The following WSCD2 variants were observed in gnomAD, a reference collection of about 807,000 sequenced individuals.
WSCD2 encodes the protein sialate:O-sulfotransferase 2.
WSCD2 carries 28 observed loss-of-function variants against 55.7 expected under a neutral mutation model. The observed-to-expected ratio is 0.50, with a 90% CI of 0.37 to 0.69. The LOEUF (loss-of-function observed/expected upper bound fraction) is 0.69. Among genes scored for constraint, WSCD2 ranks in the 30% least tolerant of loss-of-function variants. The pLI, the probability that WSCD2 is intolerant of heterozygous loss-of-function variation, is 0.00. For missense variants in WSCD2, 616 were observed against 762.1 expected, an observed-to-expected ratio of 0.81 and a Z score of 2.26; for synonymous variants, 301 against 301.9, an observed-to-expected ratio of 1.00 and a Z score of 0.03.
chr12:108,171,046 A>G (rs1565931577), intron 1 of WSCD2, among the ~76,000 whole-genome samples: 1 of 152,188 alleles, frequency 6.6e-6, no homozygotes, highest in Non-Finnish European at 1.5e-5. Flanking sequence ...TTTTGTGCCC[A>G]TGAAATGAAT....
chr12:108,133,397 G>A (rs565139379), intron 1 of WSCD2, among the ~76,000 whole-genome samples: 1 of 152,124 alleles, frequency 6.6e-6, no homozygotes, highest in South Asian at 2.1e-4. Flanking sequence ...TTTTCTGAGC[G>A]TGTTTGCCTG....
chr12:108,199,201 G>T (rs535019995), intron 2 of WSCD2, among the ~76,000 whole-genome samples: 2 of 152,146 alleles, frequency 1.3e-5, no homozygotes, highest in Non-Finnish European at 2.9e-5. Context: ...TTAGATTAAC[G>T]CTAATAAAAA....
chr12:108,225,666 G>A (rs949506865), intron 5 of WSCD2, among the ~76,000 whole-genome samples: 11 of 152,132 alleles, frequency 7.2e-5, no homozygotes, highest in African/African-American at 2.7e-4. Context: ...GGCCTAAGGA[G>A]CTAGATGTCT....
At chr12:108,242,779 C>G (rs181171536) in intron 8 of WSCD2, among the ~76,000 whole-genome samples, 32 of 152,332 alleles carry the variant, frequency 2.1e-4, no homozygotes, top group Non-Finnish European at 4.3e-4. Context: ...CTCCCCAACA[C>G]CGACAGGCCC....
In WSCD2 at chr12:108,204,646, G is replaced by A. The variant is rs1043092602; in HGVS notation, c.383-1643G>A. Among the ~76,000 whole-genome samples, 3 of 152,206 alleles carry A rather than the reference G, an allele frequency of 2.0e-5. No homozygotes were observed. The East Asian group carries it at 5.8e-4, about 29-fold the overall frequency. ...GGCTTCTCCAGGGTTGTCACTGTCT[G>A]GTGTGCCTGCTCCAGGGAGATGATG... On this transcript the variant is annotated intron_variant, in intron 2 of 8. Coordinates refer to ENST00000547525, the MANE Select transcript of WSCD2 (RefSeq NM_014653.4).
At chr12:108,243,419 A>G (rs1463616056) in intron 8 of WSCD2, among the ~76,000 whole-genome samples, 1 of 152,074 alleles carries the variant, frequency 6.6e-6, no homozygotes, top group Non-Finnish European at 1.5e-5. Flanking sequence ...TTGTATTTTT[A>G]GTAGAGACAG....
chr12:108,246,512 A>G (rs1890095442), intron 8 of WSCD2, among the ~76,000 whole-genome samples: 1 of 152,142 alleles, frequency 6.6e-6, no homozygotes, highest in Non-Finnish European at 1.5e-5. Flanking sequence ...TCCCAACGCC[A>G]TCCAGGTTCC....
At chr12:108,206,754 C>A (rs568086437) in intron 3 of WSCD2, among the ~76,000 whole-genome samples, 1 of 152,240 alleles carries the variant, frequency 6.6e-6, no homozygotes, top group South Asian at 2.1e-4. Flanking sequence ...ATGCAGGAGT[C>A]TTTGTGAATA....
At chr12:108,236,170 T>G (rs1156934944) in intron 7 of WSCD2, among the ~76,000 whole-genome samples, 4 of 152,240 alleles carry the variant, frequency 2.6e-5, no homozygotes, top group Non-Finnish European at 5.9e-5. Flanking sequence ...AGAGTTTCTT[T>G]TCTTCTGCTA....
chr12:108,165,103 G>C (rs921654945), intron 1 of WSCD2, among the ~76,000 whole-genome samples: 1 of 152,196 alleles, frequency 6.6e-6, no homozygotes, highest in African/African-American at 2.4e-5. Flanking sequence ...AATTTTAAGG[G>C]ATCAGAGGGC....
Position 108,244,386 on chromosome 12 carries a change from A to G in WSCD2, c.1346-3605A>G, listed in dbSNP as rs73401847. On this transcript the variant is annotated intron_variant, in intron 8 of 8. Coordinates refer to ENST00000547525, the MANE Select transcript of WSCD2 (RefSeq NM_014653.4). The stretch of plus-strand genomic sequence containing the variant: ...CATCTGCTGCTGAAACAGCTTGGAT[A>G]TCTATTGTGCTTTTGGAGGGATGTT... The G allele has an allele frequency of 3.7e-3, 2,386 of 649,230 alleles. 43 individuals carry two copies. In the African/African-American group the frequency reaches 0.038, roughly 10 times the overall value. The allele number at this position is 649,230 out of a possible 1,614,324, so 40.2% of individuals were successfully genotyped here. A position where few individuals can be genotyped will look rare whatever the true frequency, so the allele number is the denominator to read the frequency against.
At chr12:108,158,480 C>A (rs1191777996) in intron 1 of WSCD2, among the ~76,000 whole-genome samples, 1 of 151,690 alleles carries the variant, frequency 6.6e-6, no homozygotes, top group Non-Finnish European at 1.5e-5. Flanking sequence ...GGGTGGGGGT[C>A]TTTACACACA....
At chr12:108,187,162 A>G (rs1322871722) in intron 1 of WSCD2, among the ~76,000 whole-genome samples, 1 of 152,174 alleles carries the variant, frequency 6.6e-6, no homozygotes, top group East Asian at 1.9e-4. Context: ...CCTACCTATT[A>G]TCCACCGGCA....
In WSCD2 at chr12:108,226,929, G is replaced by T. The variant is rs571501796; in HGVS notation, c.805-61G>T. The T allele has an allele frequency of 8.4e-6, 13 of 1,544,898 alleles. No homozygotes were observed. The South Asian group carries it at 1.6e-4, about 19-fold the overall frequency. ...ATGCAAATCCTGTTCTCCATTTGGA[G>T]TCTGAAGCTGTCCAGGGATTTAGCA... On this transcript the variant is annotated intron_variant, in intron 5 of 8. Transcript: ENST00000547525.
intron 1 of WSCD2, among the ~76,000 whole-genome samples, chr12:108,194,338 C>T (rs766470737): frequency 1.3e-4 from 20 of 152,132 alleles, no homozygotes; most frequent in African/African-American, 2.7e-4. Context: ...TGCTGGTGAC[C>T]GGGAGGCTGT....
chr12:108,149,322 G>A (rs1877722911), intron 1 of WSCD2, among the ~76,000 whole-genome samples: 1 of 152,186 alleles, frequency 6.6e-6, no homozygotes, highest in Non-Finnish European at 1.5e-5. Context: ...GAGACTCGAT[G>A]TTAACTTAAT....
chr12:108,237,109 C>T (rs1889333229), intron 7 of WSCD2, among the ~76,000 whole-genome samples: 1 of 152,240 alleles, frequency 6.6e-6, no homozygotes, highest in Non-Finnish European at 1.5e-5. Flanking sequence ...GAACCACCAG[C>T]CTTCAGGGGT....
At chr12:108,161,967 T>C (rs1388243518) in intron 1 of WSCD2, among the ~76,000 whole-genome samples, 2 of 152,204 alleles carry the variant, frequency 1.3e-5, no homozygotes, top group African/African-American at 2.4e-5. Context: ...TGCACTGTCA[T>C]CTCAAGCCCT....
intron 1 of WSCD2, among the ~76,000 whole-genome samples, chr12:108,160,081 G>T (rs1214793105): frequency 3.3e-5 from 5 of 152,268 alleles, no homozygotes; most frequent in Non-Finnish European, 7.3e-5. Flanking sequence ...CTGGATGAGG[G>T]GTGTGGCTGC....
Sources: gnomAD v4.1 joint callset for allele counts (sites outside exome capture counted in the v4.1 genomes callset) on GRCh38, gnomAD v4.1.1 for gene constraint, MANE v1.5 for transcripts, NCBI Gene and HGNC (gene_info 2026-07-23, HGNC 2026-07-21) for gene names.